CFAP77: variants seen among roughly 807,000 people sequenced by gnomAD.
CFAP77 encodes the protein cilia- and flagella-associated protein 77.
In CFAP77, 25 loss-of-function variants were observed where a neutral mutation model predicts 31.1. The ratio of observed to expected loss-of-function variants is 0.80; its 90% CI spans 0.59 to 1.12. CFAP77 has a LOEUF of 1.12. Ranked by LOEUF, CFAP77 falls within the 50% of genes most tolerant of loss-of-function variation. The pLI, the probability that CFAP77 is intolerant of heterozygous loss-of-function variation, is 0.00. For synonymous variants in CFAP77, 151 were observed against 159.9 expected (o/e 0.94, Z 0.42); for missense variants, 377 against 397.3 (o/e 0.95, Z 0.44).
At position 132,410,251 on chromosome 9, in the gene CFAP77, G is replaced by C; in HGVS notation, c.-21G>C. 1 of 1,541,078 alleles carries C rather than the reference G, an allele frequency of 6.5e-7. No individual in the cohort carries two copies. Among genetic ancestry groups the C allele is most frequent in the Non-Finnish European group, 8.7e-7 (1 of 1,146,426 alleles). On this transcript the variant is annotated 5_prime_UTR_variant, in exon 1 of 6. Coordinates refer to ENST00000393216, the MANE Select transcript of CFAP77 (RefSeq NM_001282957.2). Reference sequence around the variant, plus strand: ...GCGCGCCCAAACCAGCCCGCGGGCCGGCTCCCCGGCGACCTCAAGGATGCC... The same window carrying C: ...GCGCGCCCAAACCAGCCCGCGGGCCCGCTCCCCGGCGACCTCAAGGATGCC...
chr9:132,462,981 G>A (rs1423652832), intron 1 of CFAP77, among the ~76,000 whole-genome samples: 1 of 152,212 alleles, frequency 6.6e-6, no homozygotes, highest in African/African-American at 2.4e-5. Context: ...AGGATTCATA[G>A]ATGTGTGTAT....
At chr9:132,475,108 TAGGACA>T in intron 1 of CFAP77, among the ~76,000 whole-genome samples, 1 of 152,360 alleles carries the variant, frequency 6.6e-6, no homozygotes, top group Non-Finnish European at 1.5e-5. Flanking sequence ...AGAGATGATT[TAGGACA>T]AGGAGACTTT....
chr9:132,567,634 A>G (rs1297705847), intron 5 of CFAP77, among the ~76,000 whole-genome samples: 1 of 152,190 alleles, frequency 6.6e-6, no homozygotes, highest in Non-Finnish European at 1.5e-5. Context: ...CTGCTATAAC[A>G]AATTGTCACA....
chr9:132,568,131 A>G (rs955088137), intron 5 of CFAP77, among the ~76,000 whole-genome samples: 1 of 152,162 alleles, frequency 6.6e-6, no homozygotes, highest in East Asian at 1.9e-4. Flanking sequence ...CACCCAGAGA[A>G]GCAGAGAGAA....
Position 132,499,443 on chromosome 9 carries a change from ATGAACCGCGGGGCGG to A in CFAP77, c.372_386del (p.Asn124_Val128del). The A allele has an allele frequency of 6.2e-7, 1 of 1,614,202 alleles. No individual in the cohort carries two copies. The highest frequency in any genetic ancestry group is 8.5e-7 in the Non-Finnish European group (1 of 1,180,038). Reference sequence around the variant, plus strand: ...CGAGCTGACCCGGAATTATATCGCAATGAACCGCGGGGCGGTGAAAGCCGGCCTGGTGACTGCCCG... The same window carrying A: ...CGAGCTGACCCGGAATTATATCGCAATGAAAGCCGGCCTGGTGACTGCCCG... On this transcript the variant is annotated inframe_deletion, in exon 3 of 6. Transcript: ENST00000393216. The surrounding 1 kb of genome is among the most constrained non-coding windows in gnomAD (Gnocchi z 5.4).
chr9:132,440,466 T>G (rs1352628935), intron 1 of CFAP77, among the ~76,000 whole-genome samples: 1 of 152,216 alleles, frequency 6.6e-6, no homozygotes, highest in South Asian at 2.1e-4. Flanking sequence ...CCAGAGTAGA[T>G]ACCATTGGTA....
chr9:132,520,811 G>A (rs945672870), intron 3 of CFAP77, among the ~76,000 whole-genome samples: 3 of 152,110 alleles, frequency 2.0e-5, no homozygotes, highest in Non-Finnish European at 4.4e-5. Context: ...CCCCTCCCCA[G>A]ACACTGGCGC....
At chr9:132,418,179 A>G (rs1850140642) in intron 1 of CFAP77, among the ~76,000 whole-genome samples, 2 of 152,242 alleles carry the variant, frequency 1.3e-5, no homozygotes, top group African/African-American at 4.8e-5. Context: ...AGGAGTTCTT[A>G]ATTGAGGGGG....
At chr9:132,483,936 C>CT (rs1193968732) in intron 1 of CFAP77, among the ~76,000 whole-genome samples, 8,268 of 132,948 alleles carry the variant, frequency 0.062, 311 homozygotes, top group South Asian at 0.12. Flanking sequence ...GAGGTATTGT[C>CT]TTTTTTTTTT....
intron 4 of CFAP77, among the ~76,000 whole-genome samples, chr9:132,538,316 C>T (rs1852582588): frequency 6.6e-6 from 1 of 152,164 alleles, no homozygotes; most frequent in South Asian, 2.1e-4. Flanking sequence ...GAAGTCGAGG[C>T]TTGGGGAGGC....
chr9:132,434,872 T>C (rs555683070), intron 1 of CFAP77, among the ~76,000 whole-genome samples: 1 of 152,256 alleles, frequency 6.6e-6, no homozygotes, highest in South Asian at 2.1e-4. Flanking sequence ...CTCTGTCAGA[T>C]GCACGCTCTG....
At chr9:132,540,375 C>G (rs1287469695) in intron 4 of CFAP77, among the ~76,000 whole-genome samples, 1 of 152,156 alleles carries the variant, frequency 6.6e-6, no homozygotes, top group Non-Finnish European at 1.5e-5. Context: ...GGTACCAGCT[C>G]TGCATGTGTG....
intron 1 of CFAP77, among the ~76,000 whole-genome samples, chr9:132,475,170 G>A (rs573922853): frequency 1.6e-4 from 24 of 152,360 alleles, no homozygotes; most frequent in African/African-American, 5.5e-4. Flanking sequence ...CTTCCAGCGA[G>A]AAGAAACTGC....
In CFAP77 at chr9:132,568,415, G is replaced by T. The variant is rs369870362; in HGVS notation, c.733-3973G>T. ...ACTAAAAATACAAAAAATTAGCCAG[G>T]CATGGTGGCAGGCGCCTGTAATTCC... On this transcript the variant is annotated intron_variant, in intron 5 of 5. Coordinates refer to ENST00000393216, the MANE Select transcript of CFAP77 (RefSeq NM_001282957.2). Among the ~76,000 whole-genome samples the T allele has an allele frequency of 1.9e-3, 295 of 152,098 alleles. 8 individuals carry two copies. In the South Asian group the frequency reaches 0.058, roughly 30 times the overall value.
chr9:132,503,073 G>A (rs139701808), intron 3 of CFAP77, among the ~76,000 whole-genome samples: 52 of 152,276 alleles, frequency 3.4e-4, no homozygotes, highest in African/African-American at 1.2e-3. Context: ...CCCCAGAAAT[G>A]CATTTCTATT....
chr9:132,436,551 G>A (rs923271040), intron 1 of CFAP77, among the ~76,000 whole-genome samples: 2 of 152,088 alleles, frequency 1.3e-5, no homozygotes, highest in African/African-American at 4.8e-5. Context: ...TTTCACTCTT[G>A]CTTCAACAAA....
intron 1 of CFAP77, among the ~76,000 whole-genome samples, chr9:132,468,720 G>A (rs1054673865): frequency 6.6e-6 from 1 of 152,026 alleles, no homozygotes; most frequent in African/African-American, 2.4e-5. Context: ...TTTGCTCACT[G>A]TTATATCCCA....
intron 1 of CFAP77, among the ~76,000 whole-genome samples, chr9:132,487,183 G>A (rs1465087593): frequency 1.3e-5 from 2 of 152,246 alleles, no homozygotes; most frequent in African/African-American, 4.8e-5. Flanking sequence ...CAGGTACCAT[G>A]AAACACTCTA....
chr9:132,474,157 G>C (rs923227499), intron 1 of CFAP77, among the ~76,000 whole-genome samples: 4 of 152,132 alleles, frequency 2.6e-5, no homozygotes, highest in African/African-American at 9.7e-5. Flanking sequence ...AAAAAATCTT[G>C]CTTGATTAAA....
Sources: allele counts gnomAD v4.1 joint callset (sites outside exome capture counted in the v4.1 genomes callset), GRCh38; gene constraint gnomAD v4.1.1; non-coding constraint Gnocchi (gnomAD v3.1); transcripts MANE v1.5; gene names NCBI Gene and HGNC (gene_info 2026-07-23, HGNC 2026-07-21).